The following TP53BP1 variants were observed in gnomAD, a reference collection of about 807,000 sequenced individuals.
The protein encoded by TP53BP1 is tumor protein p53 binding protein 1.
Under a neutral mutation model 200.8 loss-of-function variants are expected in TP53BP1, and 61 were observed. That is an observed-to-expected ratio of 0.30 (90% CI 0.25 to 0.38). The LOEUF is 0.38. TP53BP1 is among the 10% of genes least tolerant of loss of function. The pLI is 1.00. For synonymous variants in TP53BP1, 822 were observed against 844.3 expected (o/e 0.97, Z 0.46); for missense variants, 2,144 against 2,371.9 (o/e 0.90, Z 2.00).
rs2143009841 is a variant in TP53BP1 at position 43,456,001 on chromosome 15, T to C, written c.2607A>G (p.Thr869=). The C allele has an allele frequency of 3.7e-6, 6 of 1,614,150 alleles. No homozygotes were observed. In the East Asian group the frequency reaches 1.1e-4, roughly 30 times the overall value. The change falls in exon 12 of 28, where the codon ACA becomes ACG. Residue 869 remains threonine, a synonymous_variant. Transcript: ENST00000382044. ...QTQEKTSNSL[T]EDSKMANAKQ... The stretch of plus-strand genomic sequence containing the variant: ...TTGCATTAGCCATTTTTGAGTCTTC[T>C]GTTAATGAATTACTTGTTTTCTCCT...
rs1162309363 is a variant in TP53BP1, at chr15:43,479,265, A to G, written c.788+132T>C. 3.3e-6 allele frequency: 3 copies of G among 908,252 alleles called. No individual in the cohort carries two copies. The African/African-American group carries it at 5.2e-5, about 16-fold the overall frequency. 56.3% of individuals were successfully genotyped at this position (908,252 alleles called of 1,614,324 possible). A position where few individuals can be genotyped will look rare whatever the true frequency, so the allele number is the denominator to read the frequency against. On this transcript the variant is annotated intron_variant, in intron 7 of 27. Coordinates refer to ENST00000382044, the MANE Select transcript of TP53BP1 (RefSeq NM_001141980.3). ...AAATAATCAACGTTTCCAATGGACCACAAGTATGCCCAGTACAAGGGGAAA... is the reference window on the plus strand; with the variant it reads ...AAATAATCAACGTTTCCAATGGACCGCAAGTATGCCCAGTACAAGGGGAAA...
At chr15:43,411,532 T>C (rs1365195585) in intron 24 of TP53BP1, among the ~76,000 whole-genome samples, 1 of 152,240 alleles carries the variant, frequency 6.6e-6, no homozygotes, top group African/African-American at 2.4e-5. Context: ...AAACTATAAT[T>C]CTGTAGAGGA....
chr15:43,404,194 T>C lies in TP53BP1; in HGVS notation c.*3189A>G, dbSNP rs1295050921. On this transcript the variant is annotated 3_prime_UTR_variant, in exon 28 of 28. Transcript: ENST00000382044. ...CATTAACTGGAAACCAGCTACTAAA[T>C]TCCTACTGATGAAAGAGTACTTTCA... The C allele has an allele frequency of 3.5e-6, 2 of 564,552 alleles. No homozygotes were observed. The highest frequency in any genetic ancestry group is 6.2e-6 in the Non-Finnish European group (2 of 324,570). The allele number at this position is 564,552 out of a possible 1,614,324, so 35.0% of individuals were successfully genotyped here.
chr15:43,430,801 A>G (rs1004531748), intron 17 of TP53BP1, among the ~76,000 whole-genome samples: 3 of 152,244 alleles, frequency 2.0e-5, no homozygotes, highest in South Asian at 2.1e-4. Context: ...AAGATAAACT[A>G]TAACAATATA....
At chr15:43,472,709 A>G (rs1342927866) in intron 10 of TP53BP1, among the ~76,000 whole-genome samples, 1 of 152,258 alleles carries the variant, frequency 6.6e-6, no homozygotes, top group African/African-American at 2.4e-5. Context: ...GCCATTATTA[A>G]TAAGTCCAGT....
Position 43,432,274 on chromosome 15 carries a change from C to T in TP53BP1, c.3595G>A (p.Ala1199Thr), listed in dbSNP as rs2045688797. ...CTCCCCCTCTCAGTCTGAACTGTGG[C>T]ATCTTGCTTTCCAAAGTTCTGGTCC... is the stretch of plus-strand genomic sequence containing the variant. Reference protein sequence around the residue: ...TVDQNFGKQDATVQTERGSGE... With the variant: ...TVDQNFGKQDTTVQTERGSGE... The change falls in exon 17 of 28, where the codon GCC (alanine) becomes ACC (threonine). Residue 1199 changes from alanine to threonine, a missense_variant. Physicochemically the swap from Ala to Thr is moderately conservative, Grantham distance 58. This residue lies in a region of TP53BP1 where 1,700 missense variants were observed against 1,710.3 expected (regional missense o/e 0.99). Coordinates refer to ENST00000382044, the MANE Select transcript of TP53BP1 (RefSeq NM_001141980.3). The T allele has an allele frequency of 1.9e-6, 3 of 1,614,180 alleles. No individual in the cohort carries two copies. Among genetic ancestry groups the T allele is most frequent in the Non-Finnish European group, 1.7e-6 (2 of 1,180,020 alleles).
intron 4 of TP53BP1, 49 bp downstream of exon 4, chr15:43,491,620 G>A: frequency 1.0e-5 from 14 of 1,380,722 alleles, no homozygotes; most frequent in Non-Finnish European, 1.2e-5. Context: ...ACAGATAAAA[G>A]AACAAATCTG....
chr15:43,475,719 A>G (rs1421016812), intron 8 of TP53BP1, 25 bp from the exon 9 acceptor site: 4 of 1,612,784 alleles, frequency 2.5e-6, no homozygotes, highest in Admixed American at 1.7e-5. Flanking sequence ...TTCCAGTTGC[A>G]CTTCTCAGAT....
intron 17 of TP53BP1, among the ~76,000 whole-genome samples, chr15:43,431,316 T>C (rs558656): frequency 0.28 from 43,274 of 151,868 alleles, 10,469 homozygotes; most frequent in African/African-American, 0.66. Flanking sequence ...ACTTCCAAAT[T>C]TTCTCTGCCA....
At chr15:43,487,808 A>T (rs146720136) in intron 4 of TP53BP1, among the ~76,000 whole-genome samples, 3,155 of 151,986 alleles carry the variant, frequency 0.021, 61 homozygotes, top group Non-Finnish European at 0.03. Flanking sequence ...AGAAAAGAAA[A>T]ACCTGTTCAT....
rs553092789 is a variant in TP53BP1, at chr15:43,410,555, T to TA, written c.5306-815dup. Among the ~76,000 whole-genome samples, 361 of 142,506 alleles carry TA rather than the reference T, an allele frequency of 2.5e-3. 5 individuals carry two copies. The highest frequency in any genetic ancestry group is 4.7e-3 in the Admixed American group (67 of 14,308). The allele number at this position is 142,506 out of a possible 152,430, so 93.5% of individuals were successfully genotyped here. On this transcript the variant is annotated intron_variant, in intron 24 of 27. Coordinates refer to ENST00000382044, the MANE Select transcript of TP53BP1 (RefSeq NM_001141980.3). ...CTCCTCTCATATATAAATAACACATTAAAAAAAAAAAGAAAAGAAAAGCAA... is the reference window on the plus strand; with the variant it reads ...CTCCTCTCATATATAAATAACACATTAAAAAAAAAAAAGAAAAGAAAAGCAA...
Position 43,407,073 on chromosome 15 carries a change from A to AAAGT in TP53BP1, c.*306_*309dup, listed in dbSNP as rs2044921284. Reference sequence around the variant, plus strand: ...CCTTTTGGGAATGATGCCACAGAATAAAGTTCACTCTTAACTTTTCAATTT... The same window carrying AAAGT: ...CCTTTTGGGAATGATGCCACAGAATAAAGTAAGTTCACTCTTAACTTTTCAATTT... On this transcript the variant is annotated 3_prime_UTR_variant, in exon 28 of 28. Transcript: ENST00000382044. 3.5e-6 allele frequency: 1 copy of AAAGT among 288,118 alleles called. No homozygotes were observed. The highest frequency in any genetic ancestry group is 6.6e-6 in the Non-Finnish European group (1 of 151,470). The allele number at this position is 288,118 out of a possible 1,614,324, so 17.8% of individuals were successfully genotyped here. A position where few individuals can be genotyped will look rare whatever the true frequency, so the allele number is the denominator to read the frequency against.
rs1049512009 is a variant in TP53BP1, at chr15:43,405,872, TCTACTAAAA to T, written c.*1502_*1510del. On this transcript the variant is annotated 3_prime_UTR_variant, in exon 28 of 28. Coordinates refer to ENST00000382044, the MANE Select transcript of TP53BP1 (RefSeq NM_001141980.3). ...CTGACCAACATGATGAAACCTCGAT[TCTACTAAAA>T]ATACAAAAATTAGCCAGGTGTGGTG... 20 of 151,938 alleles carry T rather than the reference TCTACTAAAA, an allele frequency of 1.3e-4. No individual in the cohort carries two copies. Among genetic ancestry groups the T allele is most frequent in the Admixed American group, 9.8e-4 (15 of 15,236 alleles). 9.4% of individuals were successfully genotyped at this position (151,938 alleles called of 1,614,324 possible). A position where few individuals can be genotyped will look rare whatever the true frequency, so the allele number is the denominator to read the frequency against.
At position 43,447,593 on chromosome 15, in the gene TP53BP1, A is replaced by C. The variant is rs1276522374; in HGVS notation, c.2717-108T>G. 11 of 1,094,928 alleles carry C rather than the reference A, an allele frequency of 1.0e-5. No individual in the cohort carries two copies. In the Admixed American group the frequency reaches 3.4e-4, roughly 34 times the overall value. 67.8% of individuals were successfully genotyped at this position (1,094,928 alleles called of 1,614,324 possible). ...AAGAACTGCAAGAAATATTTCAATC[A>C]CTCTTTTCCTTTGCTCCCAAATTCT... On this transcript the variant is annotated intron_variant, in intron 12 of 27. Coordinates refer to ENST00000382044, the MANE Select transcript of TP53BP1 (RefSeq NM_001141980.3).
chr15:43,480,417 T>TAAG (rs1447499502), intron 5 of TP53BP1, among the ~76,000 whole-genome samples: 1 of 151,852 alleles, frequency 6.6e-6, no homozygotes, highest in African/African-American at 2.4e-5. Context: ...CACTGCACTC[T>TAAG]AACCTGGGCA....
In TP53BP1 at chr15:43,403,400, AC is replaced by A; in HGVS notation, c.*3982del. The A allele has an allele frequency of 3.9e-6, 1 of 256,938 alleles. No homozygotes were observed. The highest frequency in any genetic ancestry group is 7.8e-5 in the South Asian group (1 of 12,788). 15.9% of individuals were successfully genotyped at this position (256,938 alleles called of 1,614,324 possible). On this transcript the variant is annotated 3_prime_UTR_variant, in exon 28 of 28. Coordinates refer to ENST00000382044, the MANE Select transcript of TP53BP1 (RefSeq NM_001141980.3). The stretch of plus-strand genomic sequence containing the variant: ...ACTCACAGCTCAGAGGCAGGAAGAC[AC>A]TCTGCGGGTCTAAGAAATGAAGAGT...
upstream of TP53BP1, among the ~76,000 whole-genome samples, chr15:43,495,600 G>C (rs899412455): frequency 6.6e-6 from 1 of 151,756 alleles, no homozygotes; most frequent in African/African-American, 2.4e-5. Context: ...GGCAGATCAC[G>C]AGGTCAGGAG....
intron 4 of TP53BP1, among the ~76,000 whole-genome samples, chr15:43,482,123 G>A (rs1235082716): frequency 6.6e-6 from 1 of 151,608 alleles, no homozygotes; most frequent in Non-Finnish European, 1.5e-5. Context: ...CAGCTACTCA[G>A]GAGGCTGAGG....
chr15:43,415,467 G>C, intron 23 of TP53BP1, 127 bp downstream of exon 23: 3 of 958,478 alleles, frequency 3.1e-6, no homozygotes, highest in South Asian at 1.3e-5. Context: ...CTGTGGGCTT[G>C]GGCAGGACCC....
Sources: allele counts gnomAD v4.1 joint callset (sites outside exome capture counted in the v4.1 genomes callset), GRCh38; gene constraint gnomAD v4.1.1; regional missense constraint gnomAD v4.1.1; transcripts MANE v1.5; gene names NCBI Gene and HGNC (gene_info 2026-07-23, HGNC 2026-07-21).